The following PIEZO2 variants were observed in gnomAD, a reference collection of about 807,000 sequenced individuals.
PIEZO2 encodes the protein piezo-type mechanosensitive ion channel component 2.
In PIEZO2, 172 loss-of-function variants were observed where a neutral mutation model predicts 337.3. The ratio of observed to expected loss-of-function variants is 0.51; its 90% confidence interval spans 0.45 to 0.58. PIEZO2 has a LOEUF of 0.58. Among genes scored for constraint, PIEZO2 ranks in the 20% least tolerant of loss-of-function variants. The pLI, the probability that PIEZO2 is intolerant of heterozygous loss-of-function variation, is 0.00. For missense variants in PIEZO2, 3,028 were observed against 3,391.3 expected, an observed-to-expected ratio of 0.89 and a Z score of 2.66; for synonymous variants, 1,251 against 1,228.5, an observed-to-expected ratio of 1.02 and a Z score of -0.38.
rs2038696329 is a variant in PIEZO2, at chr18:10,773,954, T to C, written c.2567+52A>G. 1 of 702,178 alleles carries C rather than the reference T, an allele frequency of 1.4e-6. No homozygotes were observed. The highest frequency in any genetic ancestry group is 1.5e-5 in the South Asian group (1 of 67,440). The allele number at this position is 702,178 out of a possible 1,614,324, so 43.5% of individuals were successfully genotyped here. On this transcript the variant is annotated intron_variant, in intron 19 of 55. Transcript: ENST00000674853. This position sits in a 1 kb window ranked among gnomAD's most constrained non-coding sequence, Gnocchi z 5.3. ...GGTCAGAGTTTAGGGTGTAGAAGCATGAAATGGCATCATGTAGAGCAAGCA... is the reference window on the plus strand; with the variant it reads ...GGTCAGAGTTTAGGGTGTAGAAGCACGAAATGGCATCATGTAGAGCAAGCA...
Position 10,778,335 on chromosome 18 carries a change from C to CTTT in PIEZO2, c.2534+1987_2534+1989dup, listed in dbSNP as rs764803228. 2.7e-3 allele frequency among the ~76,000 whole-genome samples: 348 copies of CTTT among 127,768 alleles called. 5 individuals are homozygous for CTTT. Among genetic ancestry groups the CTTT allele is most frequent in the African/African-American group, 9.4e-3 (327 of 34,642 alleles). The allele number at this position is 127,768 out of a possible 152,430, so 83.8% of individuals were successfully genotyped here. On this transcript the variant is annotated intron_variant, in intron 18 of 55. Coordinates refer to ENST00000674853, the MANE Select transcript of PIEZO2 (RefSeq NM_001378183.1). Reference sequence around the variant, plus strand: ...CCTTTGAGGCACAGCTCTGGCTGCTCTTTTTTTTTTTTTTTTTGAGAGGGA... The same window carrying CTTT: ...CCTTTGAGGCACAGCTCTGGCTGCTCTTTTTTTTTTTTTTTTTTTTGAGAGGGA...
intron 1 of PIEZO2, among the ~76,000 whole-genome samples, chr18:11,084,897 C>T (rs933627213): frequency 6.6e-6 from 1 of 152,144 alleles, no homozygotes; most frequent in Non-Finnish European, 1.5e-5. Flanking sequence ...TGCAGTAAAC[C>T]GATTCTGTCA....
intron 3 of PIEZO2, among the ~76,000 whole-genome samples, chr18:10,958,839 T>C (rs900992538): frequency 1.3e-5 from 2 of 152,178 alleles, no homozygotes; most frequent in African/African-American, 4.8e-5. Context: ...ATTTGGCCAC[T>C]TTGATATAAA....
rs2034276133 is a variant in PIEZO2, at chr18:10,681,768, G to C, written c.7687-15C>G. ...GTGAAAATAGGCTGGAAAACAAAGA[G>C]AACAGTGTTGTCAATATTCCCCAGC... On this transcript the variant is annotated splice_polypyrimidine_tract_variant and intron_variant, in intron 50 of 55. Coordinates refer to ENST00000674853, the MANE Select transcript of PIEZO2 (RefSeq NM_001378183.1). The C allele has an allele frequency of 6.4e-7, 1 of 1,571,610 alleles. No individual in the cohort carries two copies. Among genetic ancestry groups the C allele is most frequent in the East Asian group, 2.2e-5 (1 of 44,652 alleles).
rs4797483 is a variant in PIEZO2 at position 10,787,467 on chromosome 18, C to T, written c.2170-283G>A. Among the ~76,000 whole-genome samples, 129,618 of 152,196 alleles carry T rather than the reference C, an allele frequency of 0.85. 55,254 individuals carry two copies. The highest frequency in any genetic ancestry group is 0.93 in the East Asian group (4,830 of 5,180). ...TGCTACGAGGATGAAATAGATATTGCTTATGGGTTCCTGCAAGCTATCTGG... is the reference window on the plus strand; with the variant it reads ...TGCTACGAGGATGAAATAGATATTGTTTATGGGTTCCTGCAAGCTATCTGG... On this transcript the variant is annotated intron_variant, in intron 15 of 55. Coordinates refer to ENST00000674853, the MANE Select transcript of PIEZO2 (RefSeq NM_001378183.1).
chr18:10,798,809 T>G lies in PIEZO2; in HGVS notation c.1379-1287A>C, dbSNP rs1460700750. ...TTGGGCCCTGTGTGTTTGCTTCTGGTGCTCATGCTCTGAAGAGCACACTGG... is the reference window on the plus strand; with the variant it reads ...TTGGGCCCTGTGTGTTTGCTTCTGGGGCTCATGCTCTGAAGAGCACACTGG... On this transcript the variant is annotated intron_variant, in intron 11 of 55. Transcript: ENST00000674853. Among the ~76,000 whole-genome samples, 5 of 152,224 alleles carry G rather than the reference T, an allele frequency of 3.3e-5. 1 individual carries two copies. The highest frequency in any genetic ancestry group is 1.5e-5 in the Non-Finnish European group (1 of 68,042).
chr18:10,692,729 C>G (rs2034905636), intron 47 of PIEZO2, among the ~76,000 whole-genome samples: 1 of 152,204 alleles, frequency 6.6e-6, no homozygotes, highest in Admixed American at 6.5e-5. Context: ...TTCTGTTCGT[C>G]TGAATCTTGA....
At position 10,737,285 on chromosome 18, in the gene PIEZO2, G is replaced by GAAAAAAAAAAAC. The variant is rs1555634851; in HGVS notation, c.4709-576_4709-575insGTTTTTTTTTTT. Among the ~76,000 whole-genome samples the GAAAAAAAAAAAC allele has an allele frequency of 5.2e-3, 335 of 64,220 alleles. 1 individual carries two copies. Among genetic ancestry groups the GAAAAAAAAAAAC allele is most frequent in the African/African-American group, 0.04 (300 of 7,518 alleles). 42.1% of individuals were successfully genotyped at this position (64,220 alleles called of 152,430 possible). A position where few individuals can be genotyped will look rare whatever the true frequency, so the allele number is the denominator to read the frequency against. ...ACAAAACATACATGGCAAGACATTT[G>GAAAAAAAAAAAC]AAAAAAAAAAAACAAAAAAACACGC... On this transcript the variant is annotated intron_variant, in intron 33 of 55. Transcript: ENST00000674853.
At chr18:10,812,573 C>A (rs190860129) in intron 7 of PIEZO2, among the ~76,000 whole-genome samples, 1 of 152,094 alleles carries the variant, frequency 6.6e-6, no homozygotes, top group Admixed American at 6.6e-5. Flanking sequence ...GAGGACATCG[C>A]GACATCAGGA....
rs146906219 is a variant in PIEZO2, at chr18:11,125,837, G to A, written c.64+22688C>T. Reference sequence around the variant, plus strand: ...ATCAATTTGATTGTATGAAGTGGCTGAGTGAGTCTGAGATAAGATAGGGCA... The same window carrying A: ...ATCAATTTGATTGTATGAAGTGGCTAAGTGAGTCTGAGATAAGATAGGGCA... On this transcript the variant is annotated intron_variant, in intron 1 of 55. Transcript: ENST00000674853. This position sits in a 1 kb window ranked among gnomAD's most constrained non-coding sequence, Gnocchi z 4.4. Among the ~76,000 whole-genome samples, 2 of 152,286 alleles carry A rather than the reference G, an allele frequency of 1.3e-5. No individual in the cohort carries two copies. Among genetic ancestry groups the A allele is most frequent in the East Asian group, 3.9e-4 (2 of 5,178 alleles).
At chr18:11,053,824 T>G (rs956740064) in intron 2 of PIEZO2, among the ~76,000 whole-genome samples, 3 of 151,952 alleles carry the variant, frequency 2.0e-5, no homozygotes, top group Non-Finnish European at 2.9e-5. Flanking sequence ...GAGACCAGCC[T>G]GGACAACGTG....
rs1037790670 is a variant in PIEZO2 at position 10,848,144 on chromosome 18, G to A, written c.917+7209C>T. 3.9e-5 allele frequency among the ~76,000 whole-genome samples: 6 copies of A among 152,300 alleles called. No homozygotes were observed. The South Asian group carries it at 6.2e-4, about 16-fold the overall frequency. On this transcript the variant is annotated intron_variant, in intron 7 of 55. Coordinates refer to ENST00000674853, the MANE Select transcript of PIEZO2 (RefSeq NM_001378183.1). ...ATTTCAATAACCGGATTATGTAGCCGCTTGCAAAGCAAGACCGCGGCAGAC... is the reference window on the plus strand; with the variant it reads ...ATTTCAATAACCGGATTATGTAGCCACTTGCAAAGCAAGACCGCGGCAGAC...
intron 31 of PIEZO2, among the ~76,000 whole-genome samples, chr18:10,743,529 G>A (rs935618105): frequency 4.6e-5 from 7 of 152,112 alleles, no homozygotes; most frequent in African/African-American, 1.7e-4. Flanking sequence ...ATGGGATGGT[G>A]GGAAAAACCT....
At chr18:11,139,313 T>C (rs892868443) in intron 1 of PIEZO2, among the ~76,000 whole-genome samples, 1 of 152,180 alleles carries the variant, frequency 6.6e-6, no homozygotes. Context: ...GTCAAGATAG[T>C]ACATTTCACC....
chr18:10,947,160 A>G (rs919522887), intron 3 of PIEZO2, among the ~76,000 whole-genome samples: 4 of 152,296 alleles, frequency 2.6e-5, no homozygotes, highest in South Asian at 4.1e-4. Context: ...AGGGAAAAAA[A>G]TCTGTAGAAA....
At position 11,116,495 on chromosome 18, in the gene PIEZO2, C is replaced by T. The variant is rs1044160323; in HGVS notation, c.64+32030G>A. Among the ~76,000 whole-genome samples the T allele has an allele frequency of 1.3e-5, 2 of 151,808 alleles. No individual in the cohort carries two copies. Among genetic ancestry groups the T allele is most frequent in the African/African-American group, 2.4e-5 (1 of 41,310 alleles). ...TTGGGAGGCCGAGCTGGGCGGATCA[C>T]GATGTCAGGAGACAGAGACCATCCT... On this transcript the variant is annotated intron_variant, in intron 1 of 55. Coordinates refer to ENST00000674853, the MANE Select transcript of PIEZO2 (RefSeq NM_001378183.1). The surrounding 1 kb of genome is among the most constrained non-coding windows in gnomAD (Gnocchi z 5.0).
At chr18:11,130,583 G>A (rs1044498308) in intron 1 of PIEZO2, among the ~76,000 whole-genome samples, 1 of 152,202 alleles carries the variant, frequency 6.6e-6, no homozygotes, top group Non-Finnish European at 1.5e-5. Flanking sequence ...GCAAGAAGTA[G>A]CAAACACACT....
chr18:10,868,026 C>A (rs145910550), intron 5 of PIEZO2, among the ~76,000 whole-genome samples: 31 of 152,310 alleles, frequency 2.0e-4, no homozygotes, highest in African/African-American at 7.2e-4. Context: ...TCTCCACTTC[C>A]ACTGGGGGTT....
chr18:11,062,734 G>A (rs1192241078), intron 2 of PIEZO2, among the ~76,000 whole-genome samples: 1 of 152,146 alleles, frequency 6.6e-6, no homozygotes, highest in Non-Finnish European at 1.5e-5. Context: ...CAGTTAGAAT[G>A]GCCATCATTA....
Sources: allele counts gnomAD v4.1 joint callset (sites outside exome capture counted in the v4.1 genomes callset), GRCh38; gene constraint gnomAD v4.1.1; non-coding constraint Gnocchi (gnomAD v3.1); transcripts MANE v1.5; gene names NCBI Gene and HGNC (gene_info 2026-07-23, HGNC 2026-07-21).